RIC1: variants seen among roughly 807,000 people sequenced by gnomAD.
RIC1 encodes the protein guanine nucleotide exchange factor subunit RIC1.
In RIC1, 88 loss-of-function variants were observed where a neutral mutation model predicts 169.0. That is an observed-to-expected ratio of 0.52 (90% confidence interval 0.44 to 0.62). The LOEUF (loss-of-function observed/expected upper bound fraction) is 0.62, where lower values mean the gene tolerates loss of function less well. Among genes scored for constraint, RIC1 ranks in the 20% least tolerant of loss-of-function variants. The probability of loss-of-function intolerance (pLI) is 0.00; values close to 1 mark genes in which losing one functional copy is unlikely to be tolerated. For missense variants in RIC1, 1,877 were observed against 1,725.5 expected, an observed-to-expected ratio of 1.09 and a Z score of -1.56; for synonymous variants, 790 against 601.5, an observed-to-expected ratio of 1.31 and a Z score of -4.59.
intron 6 of RIC1, among the ~76,000 whole-genome samples, chr9:5,721,975 G>A (rs1241421704): frequency 1.3e-5 from 2 of 149,792 alleles, no homozygotes; most frequent in African/African-American, 2.5e-5. Context: ...CACAACCTCC[G>A]CCTCTCGGGT....
chr9:5,637,555 C>G (rs1818029256), intron 1 of RIC1, among the ~76,000 whole-genome samples: 1 of 152,112 alleles, frequency 6.6e-6, no homozygotes, highest in Non-Finnish European at 1.5e-5. Context: ...CTAGGTCATA[C>G]TCATTCTCTT....
intron 1 of RIC1, among the ~76,000 whole-genome samples, chr9:5,639,518 C>T (rs988630980): frequency 2.6e-5 from 4 of 152,194 alleles, no homozygotes; most frequent in African/African-American, 4.8e-5. Context: ...TATGAGCAAT[C>T]CTTAAGTGAT....
intron 2 of RIC1, among the ~76,000 whole-genome samples, chr9:5,671,951 T>C (rs943447753): frequency 9.9e-5 from 15 of 152,228 alleles, no homozygotes; most frequent in African/African-American, 3.1e-4. Context: ...GGACTGTGTC[T>C]GCTCCTGGAA....
rs1476535216 is a variant in RIC1, at chr9:5,720,228, C to G, written c.487C>G (p.Leu163Val). 7 of 1,612,684 alleles carry G rather than the reference C, an allele frequency of 4.3e-6. No individual in the cohort carries two copies. The highest frequency in any genetic ancestry group is 5.1e-6 in the Non-Finnish European group (6 of 1,178,792). Reference sequence around the variant, plus strand: ...TCTCCTGGTTGCTACTTCTGATGGACTTCTTCATCTTATTCACTGGGAAGG... The same window carrying G: ...TCTCCTGGTTGCTACTTCTGATGGAGTTCTTCATCTTATTCACTGGGAAGG... ...EDLLVATSDG[L>V]LHLIHWEGMT... Residue 163 changes from leucine (L) to valine (V), a missense_variant, in exon 5 of 26, where the codon CTT (leucine) becomes GTT (valine). Leu to Val is a conservative substitution (Grantham distance 32, BLOSUM62 1). This residue lies in a region of RIC1 where 1,104 missense variants were observed against 992.0 expected (regional missense o/e 1.11). Coordinates refer to ENST00000414202, the MANE Select transcript of RIC1 (RefSeq NM_020829.4).
At chr9:5,630,242 A>T (rs1765984036) in intron 1 of RIC1, among the ~76,000 whole-genome samples, 1 of 152,242 alleles carries the variant, frequency 6.6e-6, no homozygotes. Context: ...TGAGAAAGAA[A>T]TAAGTGGTGG....
chr9:5,672,178 A>C (rs1820147368), intron 2 of RIC1, among the ~76,000 whole-genome samples: 1 of 152,200 alleles, frequency 6.6e-6, no homozygotes, highest in Non-Finnish European at 1.5e-5. Context: ...CAGCATCTGT[A>C]GGTTTGCATT....
At chr9:5,732,942 A>C (rs1330456290) in intron 7 of RIC1, among the ~76,000 whole-genome samples, 2 of 152,154 alleles carry the variant, frequency 1.3e-5, no homozygotes, top group Non-Finnish European at 1.5e-5. Flanking sequence ...TTTAGAAAAA[A>C]ATTGAATAAA....
chr9:5,662,859 A>G (rs976161215), intron 2 of RIC1, among the ~76,000 whole-genome samples: 3 of 151,846 alleles, frequency 2.0e-5, no homozygotes, highest in Non-Finnish European at 4.4e-5. Flanking sequence ...GATCTTGGTT[A>G]TATCTTGTCT....
rs145185672 is a variant in RIC1 at position 5,747,814 on chromosome 9, G to A, written c.1452+309G>A. Among the ~76,000 whole-genome samples, 49 of 151,650 alleles carry A rather than the reference G, an allele frequency of 3.2e-4. 1 individual carries two copies. The East Asian group carries it at 9.3e-3, about 29-fold the overall frequency. On this transcript the variant is annotated intron_variant, in intron 12 of 25. Coordinates refer to ENST00000414202, the MANE Select transcript of RIC1 (RefSeq NM_020829.4). ...CAGCCTCTTTTTTTGTATAAATTTA[G>A]CTCTACGGATTTGCACAGGCAAAAC...
intron 2 of RIC1, among the ~76,000 whole-genome samples, chr9:5,664,902 C>T (rs1445558378): frequency 6.6e-6 from 1 of 152,164 alleles, no homozygotes; most frequent in African/African-American, 2.4e-5. Flanking sequence ...GTCTATTCTG[C>T]TATTAATAGT....
At chr9:5,729,148 G>A (rs1824197370) in intron 6 of RIC1, among the ~76,000 whole-genome samples, 1 of 152,156 alleles carries the variant, frequency 6.6e-6, no homozygotes, top group Admixed American at 6.5e-5. Flanking sequence ...AAGCTAGCGG[G>A]TCCAAATTCA....
chr9:5,740,153 CAT>C (rs1290043352), intron 8 of RIC1, among the ~76,000 whole-genome samples: 5 of 152,180 alleles, frequency 3.3e-5, no homozygotes, highest in African/African-American at 1.2e-4. Context: ...TGATTCTCCA[CAT>C]ATGGTCAAAG....
At position 5,713,885 on chromosome 9, in the gene RIC1, G is replaced by C. The variant is rs1381909362; in HGVS notation, c.333-11G>C. ...CAGCATCTTTCTTTAACTCTATGCT[G>C]TTTGTTTTAGAGGAAGTCCACAAAT... On this transcript the variant is annotated splice_polypyrimidine_tract_variant and intron_variant, in intron 3 of 25. Coordinates refer to ENST00000414202, the MANE Select transcript of RIC1 (RefSeq NM_020829.4). 2 of 1,594,812 alleles carry C rather than the reference G, an allele frequency of 1.3e-6. No individual in the cohort carries two copies. The highest frequency in any genetic ancestry group is 1.7e-6 in the Non-Finnish European group (2 of 1,163,212).
At chr9:5,692,352 T>C (rs1488092726) in intron 3 of RIC1, among the ~76,000 whole-genome samples, 2 of 152,072 alleles carry the variant, frequency 1.3e-5, no homozygotes, top group Non-Finnish European at 2.9e-5. Context: ...ATGAGATCAT[T>C]CATATTTAAT....
At chr9:5,681,204 C>A (rs1380072930) in intron 2 of RIC1, among the ~76,000 whole-genome samples, 1 of 152,096 alleles carries the variant, frequency 6.6e-6, no homozygotes, top group African/African-American at 2.4e-5. Flanking sequence ...CTTCTGCTAG[C>A]TTTTGAATGT....
At chr9:5,715,253 C>T (rs867360869) in intron 4 of RIC1, among the ~76,000 whole-genome samples, 11 of 152,102 alleles carry the variant, frequency 7.2e-5, no homozygotes, top group Admixed American at 2.6e-4. Flanking sequence ...CTGTAGGTAC[C>T]AAGAAAAGGT....
At chr9:5,668,154 G>A (rs117104413) in intron 2 of RIC1, among the ~76,000 whole-genome samples, 3 of 152,102 alleles carry the variant, frequency 2.0e-5, no homozygotes, top group Admixed American at 6.5e-5. Flanking sequence ...ATCAGATCTC[G>A]TAAGAACTCA....
chr9:5,715,555 G>T (rs926013964), intron 4 of RIC1, among the ~76,000 whole-genome samples: 1 of 152,110 alleles, frequency 6.6e-6, no homozygotes, highest in Admixed American at 6.5e-5. Context: ...CGAGTGAGAA[G>T]ACATGAAACT....
At position 5,769,483 on chromosome 9, in the gene RIC1, A is replaced by G. The variant is rs1461973141; in HGVS notation, c.3424+227A>G. The G allele has an allele frequency of 2.1e-6, 3 of 1,429,866 alleles. No individual in the cohort carries two copies. In the East Asian group the frequency reaches 7.5e-5, roughly 36 times the overall value. The allele number at this position is 1,429,866 out of a possible 1,614,324, so 88.6% of individuals were successfully genotyped here. A position where few individuals can be genotyped will look rare whatever the true frequency, so the allele number is the denominator to read the frequency against. ...TTGTGACCTTGAAGTCTAATTCAAA[A>G]ATCTAATCATACTTGGATTATAAAG... On this transcript the variant is annotated intron_variant, in intron 22 of 25. Transcript: ENST00000414202.
Sources: gnomAD v4.1 joint callset for allele counts (sites outside exome capture counted in the v4.1 genomes callset) on GRCh38, gnomAD v4.1.1 for gene constraint, gnomAD v4.1.1 regional missense constraint, MANE v1.5 for transcripts, NCBI Gene and HGNC (gene_info 2026-07-23, HGNC 2026-07-21) for gene names.